Variants in EVI5 observed in about 807,000 individuals in gnomAD.
The protein encoded by EVI5 is ecotropic viral integration site 5 protein homolog.
Under a neutral mutation model 112.0 loss-of-function variants are expected in EVI5, and 73 were observed. The ratio of observed to expected loss-of-function variants is 0.65; its 90% CI spans 0.54 to 0.79. The LOEUF (loss-of-function observed/expected upper bound fraction) is 0.79. Ranked by LOEUF, EVI5 falls within the 30% of genes least tolerant of loss-of-function variation. The pLI is 0.00. For missense variants in EVI5, 900 were observed against 968.8 expected (o/e 0.93, Z 0.94); for synonymous variants, 305 against 319.9 (o/e 0.95, Z 0.50).
intron 19 of EVI5, among the ~76,000 whole-genome samples, chr1:92,523,691 C>A (rs1227648811): frequency 2.0e-5 from 3 of 152,108 alleles, no homozygotes; most frequent in African/African-American, 7.2e-5. Flanking sequence ...TTCAACTCAG[C>A]GAGCTGCTCT....
At chr1:92,765,862 G>A (rs1285322817) in intron 1 of EVI5, among the ~76,000 whole-genome samples, 1 of 151,978 alleles carries the variant, frequency 6.6e-6, no homozygotes, top group African/African-American at 2.4e-5. Context: ...GGTCGCTTCA[G>A]GCTGCAAGCT....
chr1:92,664,687 C>A (rs1664582389), intron 11 of EVI5, among the ~76,000 whole-genome samples: 2 of 152,178 alleles, frequency 1.3e-5, no homozygotes, highest in African/African-American at 4.8e-5. Context: ...GATGTATCTG[C>A]AATTATTATA....
intron 19 of EVI5, among the ~76,000 whole-genome samples, chr1:92,534,190 A>G (rs1353869043): frequency 6.6e-6 from 1 of 152,196 alleles, no homozygotes; most frequent in Non-Finnish European, 1.5e-5. Context: ...AACTACTAGT[A>G]AGAGAGAAAA....
chr1:92,614,811 T>C (rs1652660235), intron 16 of EVI5, among the ~76,000 whole-genome samples: 1 of 145,230 alleles, frequency 6.9e-6, no homozygotes, highest in South Asian at 2.1e-4. Context: ...GTGTATTATA[T>C]ATAATATACA....
intron 2 of EVI5, among the ~76,000 whole-genome samples, chr1:92,722,044 A>T (rs1169928776): frequency 2.6e-5 from 4 of 151,826 alleles, no homozygotes; most frequent in Admixed American, 6.6e-5. Flanking sequence ...ATGTCCCACT[A>T]TTTTAATTAC....
chr1:92,583,505 T>C lies in EVI5; in HGVS notation c.2071-19768A>G, dbSNP rs1452444966. Among the ~76,000 whole-genome samples, 154 of 83,728 alleles carry C rather than the reference T, an allele frequency of 1.8e-3. 2 individuals are homozygous for C. Among genetic ancestry groups the C allele is most frequent in the Admixed American group, 4.8e-3 (38 of 7,864 alleles). The allele number at this position is 83,728 out of a possible 152,430, so 54.9% of individuals were successfully genotyped here. ...CAGCCTGGGCGACAGAGTGAGGCTCTGTCTCAAAAAAAAAAAAAAAAAAAA... is the reference window on the plus strand; with the variant it reads ...CAGCCTGGGCGACAGAGTGAGGCTCCGTCTCAAAAAAAAAAAAAAAAAAAA... On this transcript the variant is annotated intron_variant, in intron 18 of 19. Coordinates refer to ENST00000684568, the MANE Select transcript of EVI5 (RefSeq NM_001350197.2).
intron 11 of EVI5, among the ~76,000 whole-genome samples, chr1:92,665,575 A>G (rs759942204): frequency 2.6e-5 from 4 of 152,248 alleles, no homozygotes; most frequent in Non-Finnish European, 5.9e-5. Flanking sequence ...CACACTTCCA[A>G]TATGCTAGAA....
chr1:92,553,268 C>CT (rs1667211128), intron 19 of EVI5, among the ~76,000 whole-genome samples: 1 of 144,398 alleles, frequency 6.9e-6, no homozygotes, highest in African/African-American at 2.6e-5. Flanking sequence ...GTAGCTGGAA[C>CT]TATAGGGGCA....
intron 1 of EVI5, among the ~76,000 whole-genome samples, chr1:92,760,825 G>A (rs1308719394): frequency 6.6e-6 from 1 of 151,828 alleles, no homozygotes; most frequent in East Asian, 1.9e-4. Flanking sequence ...GGGAGGCCGA[G>A]GCGGGCAGAT....
intron 17 of EVI5, among the ~76,000 whole-genome samples, chr1:92,606,478 C>A (rs1417020067): frequency 1.3e-5 from 2 of 152,008 alleles, no homozygotes; most frequent in African/African-American, 4.8e-5. Flanking sequence ...ACTGATACAA[C>A]CTCATTTAAT....
At chr1:92,590,445 G>A (rs768409671) in intron 18 of EVI5, among the ~76,000 whole-genome samples, 7 of 152,146 alleles carry the variant, frequency 4.6e-5, no homozygotes, top group Admixed American at 2.6e-4. Context: ...TGAAAACCAC[G>A]GCACGAGAAC....
chr1:92,607,808 A>G, intron 16 of EVI5, 81 bp from the exon 17 acceptor site: 1 of 854,742 alleles, frequency 1.2e-6, no homozygotes. Context: ...ATTTTATACC[A>G]TAACATTATT....
rs896105618 is a variant in EVI5, at chr1:92,566,014, C to T, written c.2071-2277G>A. Among the ~76,000 whole-genome samples, 8 of 141,758 alleles carry T rather than the reference C, an allele frequency of 5.6e-5. No homozygotes were observed. In the Admixed American group the frequency reaches 5.9e-4, roughly 10 times the overall value. 93.0% of individuals were successfully genotyped at this position (141,758 alleles called of 152,430 possible). On this transcript the variant is annotated intron_variant, in intron 18 of 19. Transcript: ENST00000684568. ...TGGGTAGCACTCCTATAGGGTCAAG[C>T]ATCTTTCCAACAACACTGCTGTTCT...
At chr1:92,623,328 G>A (rs1320404920) in intron 16 of EVI5, among the ~76,000 whole-genome samples, 1 of 152,164 alleles carries the variant, frequency 6.6e-6, no homozygotes, top group Non-Finnish European at 1.5e-5. Context: ...ATGTTACCAT[G>A]TTTGAGATTA....
intron 13 of EVI5, among the ~76,000 whole-genome samples, chr1:92,660,061 C>A (rs541247409): frequency 6.6e-5 from 10 of 151,986 alleles, no homozygotes; most frequent in African/African-American, 2.2e-4. Context: ...ATAATAGACA[C>A]TGGAGACTCA....
intron 18 of EVI5, among the ~76,000 whole-genome samples, chr1:92,569,816 T>C (rs1462257174): frequency 2.4e-5 from 3 of 127,032 alleles, no homozygotes; most frequent in African/African-American, 9.5e-5. Flanking sequence ...ATTGCGCCAC[T>C]GCACTCCAGC....
chr1:92,760,508 G>A (rs1681659440), intron 1 of EVI5, among the ~76,000 whole-genome samples: 1 of 152,032 alleles, frequency 6.6e-6, no homozygotes, highest in Non-Finnish European at 1.5e-5. Flanking sequence ...GAGGCGGGAG[G>A]ATCACTTGAG....
intron 19 of EVI5, among the ~76,000 whole-genome samples, chr1:92,543,862 G>C (rs1203426232): frequency 6.6e-6 from 1 of 152,166 alleles, no homozygotes; most frequent in African/African-American, 2.4e-5. Flanking sequence ...GCTCAATGCA[G>C]GATTGCGACA....
chr1:92,753,829 T>C (rs1327033706), intron 1 of EVI5, among the ~76,000 whole-genome samples: 2 of 152,194 alleles, frequency 1.3e-5, no homozygotes, highest in Non-Finnish European at 2.9e-5. Flanking sequence ...AACAATCCAC[T>C]AGGATATAGT....
Sources: gnomAD v4.1 joint callset for allele counts (sites outside exome capture counted in the v4.1 genomes callset) on GRCh38, gnomAD v4.1.1 for gene constraint, MANE v1.5 for transcripts, NCBI Gene and HGNC (gene_info 2026-07-23, HGNC 2026-07-21) for gene names.